Variants in TRERF1 observed in about 807,000 individuals in gnomAD.
TRERF1 encodes transcriptional regulating factor 1, also known as transcriptional-regulating factor 1.
In TRERF1, 27 loss-of-function variants were observed where a neutral mutation model predicts 122.9. The observed-to-expected ratio is 0.22, with a 90% CI of 0.16 to 0.30. The LOEUF is 0.30. Ranked by LOEUF, TRERF1 falls within the 10% of genes least tolerant of loss-of-function variation. The probability of loss-of-function intolerance (pLI) is 1.00; values close to 1 mark genes in which losing one functional copy is unlikely to be tolerated. For missense variants in TRERF1, 1,248 were observed against 1,560.3 expected, an observed-to-expected ratio of 0.80 and a Z score of 3.37; for synonymous variants, 636 against 641.7, an observed-to-expected ratio of 0.99 and a Z score of 0.13.
intron 2 of TRERF1, among the ~76,000 whole-genome samples, chr6:42,367,375 G>A (rs368348557): frequency 4.6e-5 from 7 of 152,304 alleles, no homozygotes; most frequent in African/African-American, 1.4e-4. Flanking sequence ...GAGAAGCACC[G>A]GACCTCGGTG....
At chr6:42,322,196 C>T (rs1187374600) in intron 3 of TRERF1, among the ~76,000 whole-genome samples, 1 of 152,078 alleles carries the variant, frequency 6.6e-6, no homozygotes, top group East Asian at 1.9e-4. Flanking sequence ...AATAATAATA[C>T]AACTTTGTTG....
chr6:42,388,332 A>G (rs995397253), intron 2 of TRERF1, among the ~76,000 whole-genome samples: 1 of 151,340 alleles, frequency 6.6e-6, no homozygotes. Flanking sequence ...TTAATCATCT[A>G]TTACACAGGT....
intron 2 of TRERF1, among the ~76,000 whole-genome samples, chr6:42,394,027 C>G (rs1778174506): frequency 6.6e-6 from 1 of 151,914 alleles, no homozygotes; most frequent in Non-Finnish European, 1.5e-5. Flanking sequence ...TATGTTCCAA[C>G]TTATTTCTGT....
In TRERF1 at chr6:42,276,391, T is replaced by C. The variant is rs561314166; in HGVS notation, c.-258-6543A>G. 6.6e-6 allele frequency among the ~76,000 whole-genome samples: 1 copy of C among 152,342 alleles called. No homozygotes were observed. Among genetic ancestry groups the C allele is most frequent in the South Asian group, 2.1e-4 (1 of 4,828 alleles). On this transcript the variant is annotated intron_variant, in intron 4 of 17. Transcript: ENST00000372922. The surrounding 1 kb of genome is among the most constrained non-coding windows in gnomAD (Gnocchi z 4.3). Reference sequence around the variant, plus strand: ...TTTTCCTTTTTCTGACCCCGGGCAGTCAGTTAGAGACTGTATACACAATTC... The same window carrying C: ...TTTTCCTTTTTCTGACCCCGGGCAGCCAGTTAGAGACTGTATACACAATTC...
At chr6:42,332,409 A>C (rs1176769169) in intron 3 of TRERF1, among the ~76,000 whole-genome samples, 1 of 152,072 alleles carries the variant, frequency 6.6e-6, no homozygotes, top group Non-Finnish European at 1.5e-5. Context: ...TAGCTATTAC[A>C]AGGTTTCCTT....
At chr6:42,319,880 A>G (rs548990212) in intron 3 of TRERF1, among the ~76,000 whole-genome samples, 1 of 150,642 alleles carries the variant, frequency 6.6e-6, no homozygotes, top group South Asian at 2.1e-4. Context: ...ATTATATTAA[A>G]TACATTATAT....
rs541003150 is a variant in TRERF1, at chr6:42,365,307, G to A, written c.-453-2228C>T. On this transcript the variant is annotated intron_variant, in intron 2 of 17. Coordinates refer to ENST00000372922, the Ensembl canonical transcript of TRERF1. ...TGCTCTAGCCAGAGGCCGTGGTTTC[G>A]TAGAGGCACAATCTGCATGGATGTG... Among the ~76,000 whole-genome samples, 18 of 152,258 alleles carry A rather than the reference G, an allele frequency of 1.2e-4. No homozygotes were observed. In the South Asian group the frequency reaches 3.3e-3, roughly 28 times the overall value.
intron 2 of TRERF1, among the ~76,000 whole-genome samples, chr6:42,374,151 AAGAAGAAG>A (rs1387292196): frequency 0.013 from 1,129 of 90,300 alleles, 20 homozygotes; most frequent in African/African-American, 0.04. Flanking sequence ...AAAAAAAAAA[AAGAAGAAG>A]AAGAAGAAGA....
At chr6:42,349,200 A>G (rs1768924347) in intron 3 of TRERF1, among the ~76,000 whole-genome samples, 1 of 152,120 alleles carries the variant, frequency 6.6e-6, no homozygotes, top group African/African-American at 2.4e-5. Context: ...TCAGGGGAGC[A>G]CAGGGGCCAA....
chr6:42,296,173 TCTAGGCC>T (rs1382744950), intron 4 of TRERF1, among the ~76,000 whole-genome samples: 7 of 151,830 alleles, frequency 4.6e-5, no homozygotes, highest in Non-Finnish European at 1.0e-4. Flanking sequence ...AGTGTGGAGG[TCTAGGCC>T]CCATTTTCAG....
chr6:42,272,778 C>CCT (rs1441902290), intron 4 of TRERF1, among the ~76,000 whole-genome samples: 2 of 152,144 alleles, frequency 1.3e-5, no homozygotes. Context: ...CAGTCTCAGA[C>CCT]ACCCACTCCT....
intron 1 of TRERF1, among the ~76,000 whole-genome samples, chr6:42,451,777 G>A (rs552854432): frequency 3.3e-4 from 50 of 151,782 alleles, no homozygotes; most frequent in Non-Finnish European, 6.2e-4. Context: ...GCCCTCCGCC[G>A]CAAGCAACTC....
In TRERF1 at chr6:42,413,809, G is replaced by A. The variant is rs546631871; in HGVS notation, c.-454+37368C>T. ...GTTTGAGAAGCACTGCTGTGCTTGC[G>A]TTGGCCAAAATTTACATAAGAAAAA... is the stretch of plus-strand genomic sequence containing the variant. On this transcript the variant is annotated intron_variant, in intron 2 of 17. Transcript: ENST00000372922. Among the ~76,000 whole-genome samples, 15 of 152,124 alleles carry A rather than the reference G, an allele frequency of 9.9e-5. No individual in the cohort carries two copies. In the South Asian group the frequency reaches 2.1e-3, roughly 21 times the overall value.
chr6:42,232,044 C>CAT lies in TRERF1; in HGVS notation c.3278+636_3278+637insAT, dbSNP rs1256546816. Among the ~76,000 whole-genome samples the CAT allele has an allele frequency of 2.8e-4, 43 of 152,264 alleles. No individual in the cohort carries two copies. The highest frequency in any genetic ancestry group is 9.9e-4 in the African/African-American group (41 of 41,552). ...ATGTTAGCTATTATAATTACTATCT[C>CAT]GTTACTTTTTTTCTTTAGCTGTTGT... On this transcript the variant is annotated intron_variant, in intron 17 of 17. Coordinates refer to ENST00000372922, the Ensembl canonical transcript of TRERF1. This position sits in a 1 kb window ranked among gnomAD's most constrained non-coding sequence, Gnocchi z 4.5.
intron 3 of TRERF1, among the ~76,000 whole-genome samples, chr6:42,337,386 G>C (rs1766398278): frequency 6.6e-6 from 1 of 152,216 alleles, no homozygotes; most frequent in Non-Finnish European, 1.5e-5. Flanking sequence ...TCCTCAAGGA[G>C]GTTAGCTGGA....
chr6:42,383,715 A>G (rs951087697), intron 2 of TRERF1, among the ~76,000 whole-genome samples: 1 of 152,166 alleles, frequency 6.6e-6, no homozygotes, highest in Non-Finnish European at 1.5e-5. Context: ...AGGCTGCCCC[A>G]GTCCCCAGAG....
At chr6:42,338,121 C>T (rs1016444453) in intron 3 of TRERF1, among the ~76,000 whole-genome samples, 2 of 152,182 alleles carry the variant, frequency 1.3e-5, no homozygotes, top group Non-Finnish European at 2.9e-5. Flanking sequence ...TTTTTCTGAT[C>T]AAAGGCACCT....
At chr6:42,264,994 C>T in intron 6 of TRERF1, 140 bp from the exon 7 acceptor site, 1 of 893,658 alleles carries the variant, frequency 1.1e-6, no homozygotes, top group Non-Finnish European at 1.7e-6. Flanking sequence ...ACTTGTATCA[C>T]CCCAGTGCCC....
chr6:42,249,150 G>A (rs892583302), intron 13 of TRERF1, among the ~76,000 whole-genome samples: 1 of 152,186 alleles, frequency 6.6e-6, no homozygotes, highest in African/African-American at 2.4e-5. Context: ...TCCAGAATCC[G>A]TGTGGCCCTC....
Sources: allele counts gnomAD v4.1 joint callset (sites outside exome capture counted in the v4.1 genomes callset), GRCh38; gene constraint gnomAD v4.1.1; non-coding constraint Gnocchi (gnomAD v3.1); transcripts MANE v1.5; gene names NCBI Gene and HGNC (gene_info 2026-07-23, HGNC 2026-07-21).